Variants in OAS3 observed in about 807,000 individuals in gnomAD.
OAS3 encodes the protein 2'-5'-oligoadenylate synthetase 3.
In OAS3, 107 loss-of-function variants were observed where a neutral mutation model predicts 113.0. That is an observed-to-expected ratio of 0.95 (90% CI 0.81 to 1.11). The LOEUF (loss-of-function observed/expected upper bound fraction) is 1.11. OAS3 is among the 50% of genes most tolerant of loss of function. The pLI, the probability that OAS3 is intolerant of heterozygous loss-of-function variation, is 0.00. For missense variants in OAS3, 1,258 were observed against 1,389.1 expected (o/e 0.91, Z 1.50); for synonymous variants, 552 against 573.6 (o/e 0.96, Z 0.54).
chr12:112,965,576 C>G (rs2043925588), intron 11 of OAS3, among the ~76,000 whole-genome samples, 168 bp from the exon 12 acceptor site: 1 of 152,230 alleles, frequency 6.6e-6, no homozygotes, highest in Non-Finnish European at 1.5e-5. Context: ...TTGCACGCTT[C>G]TTTTTCTTAC....
In OAS3 at chr12:112,939,306, CTTTTTTTTTTTTT is replaced by C. The variant is rs58792765; in HGVS notation, c.177+618_177+630del. On this transcript the variant is annotated intron_variant, in intron 1 of 15. Transcript: ENST00000228928. ...GCTAAATTACTACTCTGAGTCACAT[CTTTTTTTTTTTTT>C]TTTTTTTTTTTTTTTTTTGAGACAG... Among the ~76,000 whole-genome samples the C allele has an allele frequency of 3.9e-3, 264 of 68,304 alleles. 1 individual carries two copies. Among genetic ancestry groups the C allele is most frequent in the African/African-American group, 0.013 (238 of 18,280 alleles). 44.8% of individuals were successfully genotyped at this position (68,304 alleles called of 152,430 possible).
intron 8 of OAS3, among the ~76,000 whole-genome samples, chr12:112,961,524 T>G (rs571587495): frequency 3.3e-5 from 5 of 152,366 alleles, no homozygotes; most frequent in African/African-American, 1.2e-4. Context: ...AAATGTTTTC[T>G]CTGTTTTTCC....
At position 112,968,902 on chromosome 12, in the gene OAS3, A is replaced by C. The variant is rs1048429157; in HGVS notation, c.3105-706A>C. Among the ~76,000 whole-genome samples the C allele has an allele frequency of 2.2e-4, 33 of 152,324 alleles. 1 individual carries two copies. Among genetic ancestry groups the C allele is most frequent in the African/African-American group, 7.9e-4 (33 of 41,580 alleles). Reference sequence around the variant, plus strand: ...TGTTTCATTCTTTGGGATTTTGCCTACCTCTGAAATGGGTACAGAGATAAT... The same window carrying C: ...TGTTTCATTCTTTGGGATTTTGCCTCCCTCTGAAATGGGTACAGAGATAAT... On this transcript the variant is annotated intron_variant, in intron 14 of 15. Transcript: ENST00000228928.
chr12:112,956,214 T>C (rs10744788), intron 7 of OAS3, among the ~76,000 whole-genome samples: 2 of 151,964 alleles, frequency 1.3e-5, no homozygotes, highest in Non-Finnish European at 2.9e-5. Flanking sequence ...GTGTCTATTC[T>C]ATCCTTCTCT....
At chr12:112,941,033 A>G (rs1026882370) in intron 1 of OAS3, among the ~76,000 whole-genome samples, 2 of 152,092 alleles carry the variant, frequency 1.3e-5, no homozygotes, top group African/African-American at 4.8e-5. Flanking sequence ...AATTACAAGT[A>G]TGGATTTAGC....
At position 112,967,578 on chromosome 12, in the gene OAS3, G is replaced by A; in HGVS notation, c.2850G>A (p.Lys950=). ...TGAAGAGCCTGATCCGGCTGGTGAA[G>A]CACTGGTACCAGCAGGTTCGGCACA... ...TKLKSLIRLV[K]HWYQQCTKIS... The change falls in exon 13 of 16, where the codon AAG becomes AAA. Residue 950 remains lysine, a synonymous_variant. Coordinates refer to ENST00000228928, the MANE Select transcript of OAS3 (RefSeq NM_006187.4). 1 of 1,613,578 alleles carries A rather than the reference G, an allele frequency of 6.2e-7. No homozygotes were observed. The highest frequency in any genetic ancestry group is 8.5e-7 in the Non-Finnish European group (1 of 1,179,722).
chr12:112,960,453 G>A (rs1444462632), intron 7 of OAS3, among the ~76,000 whole-genome samples: 4 of 152,076 alleles, frequency 2.6e-5, no homozygotes, highest in Admixed American at 2.6e-4. Context: ...CCAGCCTTAT[G>A]AAAGTGAAGG....
chr12:112,960,509 TC>T (rs1218695429), intron 7 of OAS3, among the ~76,000 whole-genome samples: 4 of 152,316 alleles, frequency 2.6e-5, no homozygotes, highest in South Asian at 4.1e-4. Context: ...TTTTTCTTTT[TC>T]TGGAAGATAA....
chr12:112,966,464 C>G (rs972424554), intron 12 of OAS3, among the ~76,000 whole-genome samples: 21 of 152,240 alleles, frequency 1.4e-4, no homozygotes, highest in African/African-American at 5.1e-4. Context: ...TGCATCTACT[C>G]TGTGCCCAGT....
At position 112,963,481 on chromosome 12, in the gene OAS3, C is replaced by G; in HGVS notation, c.2229+24C>G. ...TGGTAAGATGGAGGGTCCTGGGGGG[C>G]AGGGGGCCCTGCACCCTGCCTTCTA... On this transcript the variant is annotated intron_variant, in intron 10 of 15. Transcript: ENST00000228928. This position sits in a 1 kb window ranked among gnomAD's most constrained non-coding sequence, Gnocchi z 4.6. 1 of 1,499,048 alleles carries G rather than the reference C, an allele frequency of 6.7e-7. No homozygotes were observed. Among genetic ancestry groups the G allele is most frequent in the African/African-American group, 1.4e-5 (1 of 71,248 alleles). 92.9% of individuals were successfully genotyped at this position (1,499,048 alleles called of 1,614,324 possible). A position where few individuals can be genotyped will look rare whatever the true frequency, so the allele number is the denominator to read the frequency against.
intron 15 of OAS3, 66 bp downstream of exon 15, chr12:112,969,821 G>T: frequency 6.3e-7 from 1 of 1,598,636 alleles, no homozygotes; most frequent in Non-Finnish European, 8.5e-7. Flanking sequence ...GTCAGGGGAG[G>T]GACATGATTC....
chr12:112,943,100 A>G (rs1301706253), intron 2 of OAS3, among the ~76,000 whole-genome samples: 1 of 151,626 alleles, frequency 6.6e-6, no homozygotes, highest in Non-Finnish European at 1.5e-5. Context: ...ATGCCTGGCT[A>G]ATTTTTGTAT....
At chr12:112,964,157 G>T in intron 10 of OAS3, 78 bp from the exon 11 acceptor site, 1 of 1,432,226 alleles carries the variant, frequency 7.0e-7, no homozygotes. Context: ...CTTGTCCTCA[G>T]AGGACATCAA....
At chr12:112,965,551 G>A (rs766498157) in intron 11 of OAS3, among the ~76,000 whole-genome samples, 193 bp from the exon 12 acceptor site, 4 of 152,198 alleles carry the variant, frequency 2.6e-5, no homozygotes, top group Non-Finnish European at 5.9e-5. Flanking sequence ...TTGTTGAAGG[G>A]TTTAAACTTA....
At position 112,962,013 on chromosome 12, in the gene OAS3, T is replaced by G. The variant is rs145275875; in HGVS notation, c.1834-639T>G. On this transcript the variant is annotated intron_variant, in intron 8 of 15. Coordinates refer to ENST00000228928, the MANE Select transcript of OAS3 (RefSeq NM_006187.4). ...AGTCTTACCATGTTGCCCAGGTTAG[T>G]CTAGAACTTCTGGGCTCAAGTAATC... Among the ~76,000 whole-genome samples the G allele has an allele frequency of 8.9e-3, 1,362 of 152,250 alleles. 26 individuals carry two copies. The highest frequency in any genetic ancestry group is 0.031 in the African/African-American group (1,301 of 41,526).
rs1222937446 is a variant in OAS3, at chr12:112,956,274, T to C, written c.1658-4797T>C. 2.0e-5 allele frequency among the ~76,000 whole-genome samples: 3 copies of C among 152,330 alleles called. No individual in the cohort carries two copies. In the East Asian group the frequency reaches 5.8e-4, roughly 29 times the overall value. The stretch of plus-strand genomic sequence containing the variant: ...AGCAGTCTATCAATTTTGTTCATCT[T>C]TTCAAAAAACCAGCTCTCGGATTCA... On this transcript the variant is annotated intron_variant, in intron 7 of 15. Coordinates refer to ENST00000228928, the MANE Select transcript of OAS3 (RefSeq NM_006187.4).
At position 112,948,953 on chromosome 12, in the gene OAS3, T is replaced by C; in HGVS notation, c.1122T>C (p.Ala374=). Residue 374 remains alanine, a synonymous_variant, in exon 6 of 16, where the codon GCT becomes GCC. Coordinates refer to ENST00000228928, the MANE Select transcript of OAS3 (RefSeq NM_006187.4). Reference sequence around the variant, plus strand: ...CTGAAAACAGCAAGAGCCTCAATGCTGTGTACCCAAGAGCAGGGAGCAAAC... The same window carrying C: ...CTGAAAACAGCAAGAGCCTCAATGCCGTGTACCCAAGAGCAGGGAGCAAAC... The part of the protein sequence containing the change: ...KTPENSKSLN[A]VYPRAGSKPP... 6.2e-7 allele frequency: 1 copy of C among 1,613,596 alleles called. No homozygotes were observed.
rs2043739282 is a variant in OAS3 at position 112,946,993 on chromosome 12, T to A, written c.875+12T>A. ...CTTAAGAGACCCAGGTACTTCCTAA[T>A]AGCCCACCATCTGCTCTCCTGTCCC... is the stretch of plus-strand genomic sequence containing the variant. On this transcript the variant is annotated intron_variant, in intron 4 of 15. Transcript: ENST00000228928. The A allele has an allele frequency of 6.2e-7, 1 of 1,605,116 alleles. No individual in the cohort carries two copies. Among genetic ancestry groups the A allele is most frequent in the African/African-American group, 1.3e-5 (1 of 74,778 alleles).
intron 14 of OAS3, chr12:112,969,335 T>C: frequency 2.0e-6 from 1 of 491,042 alleles, no homozygotes; most frequent in East Asian, 3.6e-5. Context: ...AGTGTTGTGA[T>C]TGATTAACAA....
Sources: allele counts gnomAD v4.1 joint callset (sites outside exome capture counted in the v4.1 genomes callset), GRCh38; gene constraint gnomAD v4.1.1; non-coding constraint Gnocchi (gnomAD v3.1); transcripts MANE v1.5; gene names NCBI Gene and HGNC (gene_info 2026-07-23, HGNC 2026-07-21).